ADAM2: variants seen among roughly 807,000 people sequenced by gnomAD.
ADAM2 encodes the protein disintegrin and metalloproteinase domain-containing protein 2.
In ADAM2, 101 loss-of-function variants were observed where a neutral mutation model predicts 99.3. That is an observed-to-expected ratio of 1.02 (90% confidence interval 0.87 to 1.20). The LOEUF (loss-of-function observed/expected upper bound fraction) is 1.20, where lower values mean the gene tolerates loss of function less well. Among genes scored for constraint, ADAM2 ranks in the 50% most tolerant of loss-of-function variants. The pLI, the probability that ADAM2 is intolerant of heterozygous loss-of-function variation, is 0.00. For synonymous variants in ADAM2, 323 were observed against 287.6 expected, an observed-to-expected ratio of 1.12 and a Z score of -1.25; for missense variants, 948 against 878.7, an observed-to-expected ratio of 1.08 and a Z score of -1.00.
Position 39,820,998 on chromosome 8 carries a change from C to T in ADAM2, c.513+4G>A. On this transcript the variant is annotated splice_donor_region_variant and intron_variant, in intron 6 of 20. Transcript: ENST00000265708. ...CCATAGAGTTTGTTCAATTAATCAC[C>T]TACCTCTACGCTTTGTAATTTAAAG... 1 of 1,562,058 alleles carries T rather than the reference C, an allele frequency of 6.4e-7. No homozygotes were observed.
intron 6 of ADAM2, among the ~76,000 whole-genome samples, chr8:39,811,480 T>C (rs1313494185): frequency 6.6e-6 from 1 of 152,064 alleles, no homozygotes; most frequent in African/African-American, 2.4e-5. Flanking sequence ...ACAAAAAAAG[T>C]AAATTTTAGA....
At chr8:39,785,086 G>C (rs1803406423) in intron 10 of ADAM2, among the ~76,000 whole-genome samples, 1 of 152,142 alleles carries the variant, frequency 6.6e-6, no homozygotes, top group African/African-American at 2.4e-5. Flanking sequence ...TGCTTTTGTT[G>C]CAATTGTTTT....
At chr8:39,777,896 T>C (rs964081273) in intron 10 of ADAM2, among the ~76,000 whole-genome samples, 4 of 151,348 alleles carry the variant, frequency 2.6e-5, no homozygotes, top group African/African-American at 9.7e-5. Flanking sequence ...AATGTTTTTA[T>C]AAACTCATAA....
At position 39,745,183 on chromosome 8, in the gene ADAM2, CT is replaced by C. The variant is rs1473775332; in HGVS notation, c.2175-291del. 7.2e-5 allele frequency among the ~76,000 whole-genome samples: 11 copies of C among 152,242 alleles called. No individual in the cohort carries two copies. In the East Asian group the frequency reaches 1.9e-3, roughly 27 times the overall value. The stretch of plus-strand genomic sequence containing the variant: ...GTATTATTGGTTAAGTATCTTTAAA[CT>C]TTTTGCCATTCATTTTCAACCCTAT... On this transcript the variant is annotated intron_variant, in intron 19 of 20. Coordinates refer to ENST00000265708, the MANE Select transcript of ADAM2 (RefSeq NM_001464.5).
In ADAM2 at chr8:39,834,508, G is replaced by C. The variant is rs572824201; in HGVS notation, c.133-509C>G. 1.3e-3 allele frequency among the ~76,000 whole-genome samples: 201 copies of C among 152,114 alleles called. 1 individual carries two copies. Among genetic ancestry groups the C allele is most frequent in the African/African-American group, 4.5e-3 (187 of 41,510 alleles). On this transcript the variant is annotated intron_variant, in intron 2 of 20. Coordinates refer to ENST00000265708, the MANE Select transcript of ADAM2 (RefSeq NM_001464.5). ...CCAGCACTTTGGGAAGCCAAGGCAGGCGGATCATGAGGTCAAGATTTTGAG... is the reference window on the plus strand; with the variant it reads ...CCAGCACTTTGGGAAGCCAAGGCAGCCGGATCATGAGGTCAAGATTTTGAG...
At chr8:39,835,409 G>A (rs1018233932) in intron 2 of ADAM2, among the ~76,000 whole-genome samples, 15 of 142,794 alleles carry the variant, frequency 1.1e-4, no homozygotes, top group African/African-American at 4.0e-4. Flanking sequence ...TTTAGGCCAT[G>A]TGCGGTGGCT....
chr8:39,781,884 T>C (rs758741784), intron 10 of ADAM2, among the ~76,000 whole-genome samples: 1 of 152,144 alleles, frequency 6.6e-6, no homozygotes, highest in Non-Finnish European at 1.5e-5. Context: ...AAAACACCAA[T>C]GGTCATAAAA....
chr8:39,791,675 G>T (rs1803721314), intron 7 of ADAM2, among the ~76,000 whole-genome samples: 1 of 152,052 alleles, frequency 6.6e-6, no homozygotes, highest in Admixed American at 6.6e-5. Context: ...GTCCTTTTGT[G>T]TTGTAGCAAA....
intron 14 of ADAM2, among the ~76,000 whole-genome samples, chr8:39,762,513 A>G (rs1411084979): frequency 2.6e-5 from 4 of 152,344 alleles, no homozygotes; most frequent in African/African-American, 9.6e-5. Context: ...TGGTTAGGCT[A>G]TAGTCTCAAG....
chr8:39,832,934 A>G (rs1285789869), intron 3 of ADAM2, among the ~76,000 whole-genome samples: 4 of 152,148 alleles, frequency 2.6e-5, no homozygotes, highest in African/African-American at 9.7e-5. Flanking sequence ...AGCTTAAGAA[A>G]TCTACTGTTA....
chr8:39,804,921 G>A (rs73673811), intron 7 of ADAM2, among the ~76,000 whole-genome samples: 3 of 151,938 alleles, frequency 2.0e-5, no homozygotes, highest in South Asian at 2.1e-4. Context: ...TGTGTGGAGT[G>A]ATCATGATTG....
chr8:39,754,484 A>G (rs559452990), intron 16 of ADAM2, among the ~76,000 whole-genome samples: 305 of 152,334 alleles, frequency 2.0e-3, no homozygotes, highest in Non-Finnish European at 2.8e-3. Flanking sequence ...CTATTTAGAA[A>G]CAATGGAGAA....
At chr8:39,808,353 G>A (rs1377220848) in intron 7 of ADAM2, among the ~76,000 whole-genome samples, 2 of 151,872 alleles carry the variant, frequency 1.3e-5, no homozygotes, top group African/African-American at 2.4e-5. Flanking sequence ...TTAGGAAATA[G>A]GAATAGATTT....
intron 7 of ADAM2, among the ~76,000 whole-genome samples, chr8:39,802,509 C>T (rs1586126724): frequency 1.3e-5 from 2 of 152,110 alleles, no homozygotes; most frequent in Admixed American, 1.3e-4. Context: ...GAACTGAATC[C>T]TGAATTCTTC....
At chr8:39,789,922 T>C (rs1803631168) in intron 7 of ADAM2, among the ~76,000 whole-genome samples, 1 of 151,824 alleles carries the variant, frequency 6.6e-6, no homozygotes, top group Non-Finnish European at 1.5e-5. Context: ...AAATAACTAG[T>C]ACACAAATGC....
At chr8:39,808,276 CT>C (rs1357458915) in intron 7 of ADAM2, among the ~76,000 whole-genome samples, 4 of 150,678 alleles carry the variant, frequency 2.7e-5, no homozygotes, top group Non-Finnish European at 5.9e-5. Flanking sequence ...GATCAATTAA[CT>C]TTTTTTACAC....
chr8:39,746,399 C>T, intron 19 of ADAM2, 73 bp downstream of exon 19: 1 of 985,328 alleles, frequency 1.0e-6, no homozygotes, highest in Non-Finnish European at 1.5e-6. Flanking sequence ...TTACTCATTA[C>T]ATCGACCACA....
Position 39,763,576 on chromosome 8 carries a change from C to G in ADAM2, c.1508-2295G>C, listed in dbSNP as rs553498116. On this transcript the variant is annotated intron_variant, in intron 14 of 20. Transcript: ENST00000265708. ...AGCACATGTGCATTCAGGAGACCAC[C>G]TACAACATGCTAAACAACAATGCCC... 1.2e-3 allele frequency among the ~76,000 whole-genome samples: 178 copies of G among 152,294 alleles called. 1 individual carries two copies. The highest frequency in any genetic ancestry group is 1.3e-4 in the Non-Finnish European group (9 of 68,020).
chr8:39,792,709 C>CA lies in ADAM2; in HGVS notation c.571-3970dup, dbSNP rs200864576. ...AGAAACCATCCCCAAAGTATTTTGT[C>CA]AAAAAAAAATTGTGAAAGGACTGCA... On this transcript the variant is annotated intron_variant, in intron 7 of 20. Transcript: ENST00000265708. Among the ~76,000 whole-genome samples the CA allele has an allele frequency of 3.3e-3, 496 of 150,018 alleles. 2 individuals are homozygous for CA. Among genetic ancestry groups the CA allele is most frequent in the East Asian group, 0.011 (57 of 5,116 alleles).
Sources: gnomAD v4.1 joint callset for allele counts (sites outside exome capture counted in the v4.1 genomes callset) on GRCh38, gnomAD v4.1.1 for gene constraint, MANE v1.5 for transcripts, NCBI Gene and HGNC (gene_info 2026-07-23, HGNC 2026-07-21) for gene names.